GRAMD2B: variants seen among roughly 807,000 people sequenced by gnomAD.
GRAMD2B encodes the protein GRAM domain containing 2B.
GRAMD2B carries 41 observed loss-of-function variants against 59.2 expected under a neutral mutation model. That is an observed-to-expected ratio of 0.69 (90% CI 0.54 to 0.90). The LOEUF is 0.90. GRAMD2B is among the 40% of genes least tolerant of loss of function. The pLI, the probability that GRAMD2B is intolerant of heterozygous loss-of-function variation, is 0.00. For synonymous variants in GRAMD2B, 161 were observed against 182.7 expected (o/e 0.88, Z 0.96); for missense variants, 424 against 500.5 (o/e 0.85, Z 1.46).
chr5:126,366,894 A>T (rs1251897621), upstream of GRAMD2B, among the ~76,000 whole-genome samples: 1 of 127,042 alleles, frequency 7.9e-6, no homozygotes, highest in Non-Finnish European at 1.6e-5. Flanking sequence ...TCGCTCTGTT[A>T]CCCAAGCTGG....
intron 5 of GRAMD2B, among the ~76,000 whole-genome samples, chr5:126,477,347 T>C (rs968623504): frequency 6.6e-6 from 1 of 152,240 alleles, no homozygotes. Context: ...TAGCCCAAAG[T>C]GGATGACCAC....
At chr5:126,366,582 G>A (rs1209868749), upstream of GRAMD2B, among the ~76,000 whole-genome samples, 2 of 152,148 alleles carry the variant, frequency 1.3e-5, no homozygotes, top group South Asian at 2.1e-4. Context: ...TTTTGAGATA[G>A]ATATTATTGT....
chr5:126,388,388 A>T (rs867959340), intron 1 of GRAMD2B, among the ~76,000 whole-genome samples: 56 of 152,174 alleles, frequency 3.7e-4, no homozygotes, highest in African/African-American at 1.2e-3. Context: ...ATAAACAAAC[A>T]AATTAATTAA....
At chr5:126,466,405 T>C (rs1214494286) in intron 2 of GRAMD2B, 1 of 749,698 alleles carries the variant, frequency 1.3e-6, no homozygotes, top group East Asian at 2.7e-5. Flanking sequence ...CCATCTTTCC[T>C]GCATGCTGTT....
chr5:126,473,470 G>C (rs780715934), intron 5 of GRAMD2B, 102 bp downstream of exon 5: 7 of 432,326 alleles, frequency 1.6e-5, no homozygotes, highest in Non-Finnish European at 2.5e-5. Flanking sequence ...TTTGTATCAT[G>C]GTTATTCTTT....
chr5:126,437,033 G>A (rs1762525048), intron 1 of GRAMD2B, among the ~76,000 whole-genome samples: 2 of 152,206 alleles, frequency 1.3e-5, no homozygotes, highest in Admixed American at 6.5e-5. Context: ...ATGGAGGAAG[G>A]TCCCAGAGGA....
At chr5:126,471,516 G>A (rs553666093) in intron 3 of GRAMD2B, among the ~76,000 whole-genome samples, 1 of 152,318 alleles carries the variant, frequency 6.6e-6, no homozygotes, top group South Asian at 2.1e-4. Flanking sequence ...ATGGTCTTGG[G>A]CCTTCTGCTG....
intron 1 of GRAMD2B, among the ~76,000 whole-genome samples, chr5:126,409,218 A>G (rs1196057230): frequency 9.2e-5 from 14 of 152,202 alleles, no homozygotes; most frequent in Non-Finnish European, 2.1e-4. Flanking sequence ...TGGGATGGCT[A>G]GGTCAAATAG....
At chr5:126,410,922 C>T (rs545418460) in intron 1 of GRAMD2B, among the ~76,000 whole-genome samples, 4 of 151,942 alleles carry the variant, frequency 2.6e-5, no homozygotes, top group Non-Finnish European at 5.9e-5. Context: ...TGAGAAGTAT[C>T]TGGTCATGTC....
chr5:126,473,729 C>T (rs954489354), intron 5 of GRAMD2B, among the ~76,000 whole-genome samples: 1 of 152,064 alleles, frequency 6.6e-6, no homozygotes, highest in African/African-American at 2.4e-5. Context: ...ACATTTAAAC[C>T]AAAATCATTT....
intron 1 of GRAMD2B, among the ~76,000 whole-genome samples, chr5:126,464,632 C>G (rs181916361): frequency 6.6e-6 from 1 of 152,176 alleles, no homozygotes; most frequent in Non-Finnish European, 1.5e-5. Flanking sequence ...GTTTTTCCAA[C>G]GCCTATTGAT....
intron 1 of GRAMD2B, among the ~76,000 whole-genome samples, chr5:126,437,045 A>G (rs962307199): frequency 5.3e-5 from 8 of 152,250 alleles, no homozygotes; most frequent in Admixed American, 1.3e-4. Context: ...CCCAGAGGAC[A>G]TGTTTTTGTG....
At chr5:126,415,999 G>T (rs1759237238) in intron 1 of GRAMD2B, among the ~76,000 whole-genome samples, 1 of 152,130 alleles carries the variant, frequency 6.6e-6, no homozygotes, top group Non-Finnish European at 1.5e-5. Flanking sequence ...CGAAGAAAAA[G>T]AACATGCCAA....
intron 1 of GRAMD2B, among the ~76,000 whole-genome samples, chr5:126,418,366 G>GT (rs555916802): frequency 4.6e-5 from 7 of 152,096 alleles, no homozygotes; most frequent in Admixed American, 1.3e-4. Flanking sequence ...AACTGGAAGA[G>GT]TTTTTTTTAC....
intron 1 of GRAMD2B, among the ~76,000 whole-genome samples, chr5:126,393,716 A>G (rs1352769714): frequency 1.3e-5 from 2 of 152,228 alleles, no homozygotes; most frequent in Non-Finnish European, 2.9e-5. Context: ...ATTGCCTTCC[A>G]CTGAGGCAGG....
rs1176575921 is a variant in GRAMD2B, at chr5:126,485,736, C to T, written c.1021C>T (p.Pro341Ser). 6.2e-7 allele frequency: 1 copy of T among 1,612,066 alleles called. No individual in the cohort carries two copies. Among genetic ancestry groups the T allele is most frequent in the South Asian group, 1.1e-5 (1 of 90,986 alleles). Residue 341 changes from proline to serine, a missense_variant, in exon 11 of 14, where the codon CCG (proline) becomes TCG (serine). By Grantham distance (74) the Pro-to-Ser change is moderately conservative (BLOSUM62 -1). Coordinates refer to ENST00000285689, the MANE Select transcript of GRAMD2B (RefSeq NM_023927.4). ...ILHKVKSQKC[P>S]MLHHILIFYA... ...ACATAAAGTCAAGTCTCAGAAATGT[C>T]CGATGCTTCACCATATTCTTATATT...
intron 1 of GRAMD2B, among the ~76,000 whole-genome samples, chr5:126,400,843 G>A (rs886224542): frequency 2.0e-5 from 3 of 152,150 alleles, no homozygotes; most frequent in East Asian, 1.9e-4. Flanking sequence ...CCTTGTATGT[G>A]ACAGGTAACT....
chr5:126,462,776 A>G (rs986611423), intron 1 of GRAMD2B, among the ~76,000 whole-genome samples: 2 of 152,198 alleles, frequency 1.3e-5, no homozygotes, highest in Admixed American at 1.3e-4. Context: ...CAGGCAGCAT[A>G]GAGACTTTTA....
chr5:126,373,067 C>A (rs1754900400), intron 1 of GRAMD2B, among the ~76,000 whole-genome samples: 1 of 152,212 alleles, frequency 6.6e-6, no homozygotes, highest in South Asian at 2.1e-4. Flanking sequence ...AAAAAAAGCT[C>A]CAGCCTATGT....
Sources: gnomAD v4.1 joint callset for allele counts (sites outside exome capture counted in the v4.1 genomes callset) on GRCh38, gnomAD v4.1.1 for gene constraint, MANE v1.5 for transcripts, NCBI Gene and HGNC (gene_info 2026-07-23, HGNC 2026-07-21) for gene names.